Variants in PKD1L1 observed in about 807,000 individuals in gnomAD.
PKD1L1 encodes the protein polycystin 1 like 1, transient receptor potential channel interacting.
PKD1L1 carries 236 observed loss-of-function variants against 323.4 expected under a neutral mutation model. The ratio of observed to expected loss-of-function variants is 0.73; its 90% CI spans 0.66 to 0.81. The LOEUF (loss-of-function observed/expected upper bound fraction) is 0.81. Ranked by LOEUF, PKD1L1 falls within the 40% of genes least tolerant of loss-of-function variation. The pLI, the probability that PKD1L1 is intolerant of heterozygous loss-of-function variation, is 0.00. For missense variants in PKD1L1, 3,320 were observed against 3,508.0 expected, an observed-to-expected ratio of 0.95 and a Z score of 1.35; for synonymous variants, 1,344 against 1,335.0, an observed-to-expected ratio of 1.01 and a Z score of -0.15.
intron 8 of PKD1L1, among the ~76,000 whole-genome samples, chr7:47,912,994 TTCTGATTCAGTAGG>T (rs779116764): frequency 6.6e-6 from 1 of 151,942 alleles, no homozygotes; most frequent in Non-Finnish European, 1.5e-5. Flanking sequence ...CCAGCTGAAT[TTCTGATTCAGTAGG>T]TCTGCAGTGG....
At chr7:47,819,275 G>A (rs1187376946) in intron 46 of PKD1L1, among the ~76,000 whole-genome samples, 1 of 152,204 alleles carries the variant, frequency 6.6e-6, no homozygotes, top group Non-Finnish European at 1.5e-5. Context: ...CAGGAGTTGT[G>A]AATGTGAGCA....
At chr7:47,779,560 G>C (rs1001453935) in intron 56 of PKD1L1, among the ~76,000 whole-genome samples, 3 of 152,090 alleles carry the variant, frequency 2.0e-5, no homozygotes, top group Admixed American at 6.6e-5. Flanking sequence ...GGAGATATTT[G>C]GTTACTGATA....
Position 47,833,268 on chromosome 7 carries a change from C to G in PKD1L1, c.6175-16G>C. ...ATGCAGGTTGCTAGAATGACAAGGTCATGCCAAGGTTAATATCTCCACAGA... is the reference window on the plus strand; with the variant it reads ...ATGCAGGTTGCTAGAATGACAAGGTGATGCCAAGGTTAATATCTCCACAGA... On this transcript the variant is annotated splice_polypyrimidine_tract_variant and intron_variant, in intron 40 of 56. Transcript: ENST00000289672. 1.2e-6 allele frequency: 2 copies of G among 1,609,536 alleles called. No individual in the cohort carries two copies. The highest frequency in any genetic ancestry group is 2.2e-5 in the South Asian group (2 of 90,180).
chr7:47,914,260 C>T (rs1004786369), intron 8 of PKD1L1, among the ~76,000 whole-genome samples: 1 of 152,278 alleles, frequency 6.6e-6, no homozygotes, highest in South Asian at 2.1e-4. Context: ...TTAAAATGCA[C>T]ACAGAGCCCA....
chr7:47,834,463 C>T (rs1028403124), intron 39 of PKD1L1, 78 bp from the exon 40 acceptor site: 27 of 1,199,936 alleles, frequency 2.3e-5, no homozygotes, highest in East Asian at 7.1e-5. Flanking sequence ...TAAGGATTAG[C>T]GGGGACACTA....
At chr7:47,778,232 C>T (rs374547167) in intron 56 of PKD1L1, among the ~76,000 whole-genome samples, 1 of 152,100 alleles carries the variant, frequency 6.6e-6, no homozygotes, top group Non-Finnish European at 1.5e-5. Flanking sequence ...GGAAGGAAGA[C>T]CACCAGGGCT....
At chr7:47,882,602 C>T (rs1232600902) in intron 19 of PKD1L1, among the ~76,000 whole-genome samples, 1 of 145,856 alleles carries the variant, frequency 6.9e-6, no homozygotes, top group Non-Finnish European at 1.5e-5. Flanking sequence ...AGAAGGAGCC[C>T]TTCAAGCATC....
At position 47,857,805 on chromosome 7, in the gene PKD1L1, T is replaced by G; in HGVS notation, c.4390A>C (p.Thr1464Pro). 1.2e-6 allele frequency: 2 copies of G among 1,614,172 alleles called. No individual in the cohort carries two copies. Among genetic ancestry groups the G allele is most frequent in the Non-Finnish European group, 1.7e-6 (2 of 1,180,030 alleles). Residue 1464 changes from threonine (T) to proline (P), a missense_variant, in exon 28 of 57, where the codon ACT becomes CCT. Physicochemically the swap from Thr to Pro is conservative, Grantham distance 38. Transcript: ENST00000289672. Reference protein sequence around the residue: ...LGCLSLNHVSTGQMEFRTLLH... With the variant: ...LGCLSLNHVSPGQMEFRTLLH... ...AGGGTCCGGAACTCCATCTGCCCAG[T>G]GCTAACATGGTTCAAAGAGAGACAA...
intron 56 of PKD1L1, among the ~76,000 whole-genome samples, chr7:47,777,533 T>G (rs1238203321): frequency 6.6e-6 from 1 of 152,178 alleles, no homozygotes; most frequent in Non-Finnish European, 1.5e-5. Context: ...GCAGTTTCAG[T>G]CAATTAGGGT....
At chr7:47,836,728 C>A (rs1785464079) in intron 37 of PKD1L1, among the ~76,000 whole-genome samples, 193 bp downstream of exon 37, 1 of 152,254 alleles carries the variant, frequency 6.6e-6, no homozygotes. Flanking sequence ...AGAGTCAGAG[C>A]TGTGCAGGGC....
At chr7:47,887,642 G>A (rs931712475) in intron 17 of PKD1L1, among the ~76,000 whole-genome samples, 4 of 152,234 alleles carry the variant, frequency 2.6e-5, no homozygotes, top group Non-Finnish European at 5.9e-5. Flanking sequence ...CCAAAAGACA[G>A]GCGAGGTGGT....
intron 56 of PKD1L1, among the ~76,000 whole-genome samples, chr7:47,791,026 C>T (rs78724031): frequency 0.02 from 3,107 of 152,292 alleles, 57 homozygotes; most frequent in Admixed American, 0.038. Context: ...TGAGCCACTA[C>T]ACCCACCCAT....
Position 47,866,196 on chromosome 7 carries a change from G to C in PKD1L1, c.4092+223C>G, listed in dbSNP as rs192564780. On this transcript the variant is annotated intron_variant, in intron 25 of 56. Coordinates refer to ENST00000289672, the MANE Select transcript of PKD1L1 (RefSeq NM_138295.5). The stretch of plus-strand genomic sequence containing the variant: ...AATTATCTGTAACAACGATTGACTT[G>C]GTCATTCTCTCTTTTATAAACCAGC... Among the ~76,000 whole-genome samples the C allele has an allele frequency of 2.1e-3, 324 of 152,278 alleles. 3 individuals are homozygous for C. Among genetic ancestry groups the C allele is most frequent in the African/African-American group, 7.5e-3 (310 of 41,566 alleles).
chr7:47,929,149 C>A (rs1020524708), intron 7 of PKD1L1, 55 bp downstream of exon 7: 69 of 1,530,678 alleles, frequency 4.5e-5, no homozygotes, highest in Non-Finnish European at 5.9e-5. Flanking sequence ...CCTCTTGGGT[C>A]CCCTAGCTCA....
Position 47,844,932 on chromosome 7 carries a change from A to C in PKD1L1, c.5237+63T>G, listed in dbSNP as rs148963573. The C allele has an allele frequency of 2.4e-4, 331 of 1,395,882 alleles. 2 individuals carry two copies. In the African/African-American group the frequency reaches 4.3e-3, roughly 18 times the overall value. The allele number at this position is 1,395,882 out of a possible 1,614,324, so 86.5% of individuals were successfully genotyped here. On this transcript the variant is annotated intron_variant, in intron 33 of 56. Coordinates refer to ENST00000289672, the MANE Select transcript of PKD1L1 (RefSeq NM_138295.5). ...AGCACCCCCGGAATTATATGTGGGC[A>C]TCCTGAGTGAACAGTAAAACAAATA...
rs1784903498 is a variant in PKD1L1 at position 47,811,840 on chromosome 7, G to T, written c.7558C>A (p.Gln2520Lys). ...FSIFRSDSAL[Q>K]YHLMLPQLVF... The stretch of plus-strand genomic sequence containing the variant: ...ACCTGGGGAAGCATGAGGTGGTACT[G>T]CAGGGCTGAGTCGCTGCGGAAGATG... Residue 2520 changes from glutamine to lysine, a missense_variant, in exon 50 of 57, where the codon CAG becomes AAG. Physicochemically the swap from Gln to Lys is moderately conservative, Grantham distance 53. Transcript: ENST00000289672. 1.2e-6 allele frequency: 2 copies of T among 1,607,230 alleles called. No homozygotes were observed. The highest frequency in any genetic ancestry group is 1.7e-6 in the Non-Finnish European group (2 of 1,177,226).
chr7:47,883,309 T>C (rs1195467520), intron 19 of PKD1L1, among the ~76,000 whole-genome samples: 1 of 152,234 alleles, frequency 6.6e-6, no homozygotes, highest in Non-Finnish European at 1.5e-5. Flanking sequence ...AATGTGTCTT[T>C]GATTTGCAAA....
In PKD1L1 at chr7:47,815,364, G is replaced by T; in HGVS notation, c.7059C>A (p.Gly2353=). ...TTLLDGLYPG[G]TPSARVPGAQ... ...CCCCCGGCACACGGGCTGACGGGGTGCCTCCCGGGTACAGGCCATCCAGAA... is the reference window on the plus strand; with the variant it reads ...CCCCCGGCACACGGGCTGACGGGGTTCCTCCCGGGTACAGGCCATCCAGAA... Residue 2353 remains glycine, a synonymous_variant, in exon 47 of 57, where the codon GGC becomes GGA. Transcript: ENST00000289672. 6.2e-7 allele frequency: 1 copy of T among 1,614,158 alleles called. No individual in the cohort carries two copies. Among genetic ancestry groups the T allele is most frequent in the East Asian group, 2.2e-5 (1 of 44,882 alleles).
rs1054973010 is a variant in PKD1L1 at position 47,774,987 on chromosome 7, T to G, written c.*156A>C. 2.0e-5 allele frequency: 15 copies of G among 734,774 alleles called. No homozygotes were observed. Among genetic ancestry groups the G allele is most frequent in the Non-Finnish European group, 3.5e-5 (15 of 426,448 alleles). The allele number at this position is 734,774 out of a possible 1,614,324, so 45.5% of individuals were successfully genotyped here. On this transcript the variant is annotated 3_prime_UTR_variant, in exon 57 of 57. Coordinates refer to ENST00000289672, the MANE Select transcript of PKD1L1 (RefSeq NM_138295.5). ...AGATAAACCTTGATTTTCATCCTGGTTTCCCATTTACTTGTTACGTGAACT... is the reference window on the plus strand; with the variant it reads ...AGATAAACCTTGATTTTCATCCTGGGTTCCCATTTACTTGTTACGTGAACT...
Sources: allele counts gnomAD v4.1 joint callset (sites outside exome capture counted in the v4.1 genomes callset), GRCh38; gene constraint gnomAD v4.1.1; transcripts MANE v1.5; gene names NCBI Gene and HGNC (gene_info 2026-07-23, HGNC 2026-07-21).